NEBL: variants seen among roughly 807,000 people sequenced by gnomAD.
NEBL encodes the protein LIM and SH3 protein 2.
A neutral mutation model predicts 140.2 loss-of-function variants in NEBL; 122 were observed. The ratio of observed to expected loss-of-function variants is 0.87; its 90% CI spans 0.75 to 1.01. The LOEUF (loss-of-function observed/expected upper bound fraction) is 1.01. NEBL is among the 50% of genes least tolerant of loss of function. The pLI is 0.00. For synonymous variants in NEBL, 436 were observed against 398.9 expected, an observed-to-expected ratio of 1.09 and a Z score of -1.11; for missense variants, 1,365 against 1,231.3, an observed-to-expected ratio of 1.11 and a Z score of -1.62.
chr10:20,848,797 G>A (rs569747510), intron 11 of NEBL, among the ~76,000 whole-genome samples: 1 of 152,200 alleles, frequency 6.6e-6, no homozygotes, highest in African/African-American at 2.4e-5. Flanking sequence ...AAAAAGATTG[G>A]AGACCACTGA....
At chr10:20,813,765 AC>A in intron 23 of NEBL, 173 bp downstream of exon 23, 1 of 615,850 alleles carries the variant, frequency 1.6e-6, no homozygotes, top group South Asian at 1.9e-5. Context: ...ATTTTATTAG[AC>A]TAAATGTTTC....
chr10:21,142,999 G>C (rs61851501), intron 2 of NEBL, among the ~76,000 whole-genome samples: 1 of 151,434 alleles, frequency 6.6e-6, no homozygotes, highest in Admixed American at 6.6e-5. Context: ...TGTGTGTGGG[G>C]TGTGTGTGTG....
At chr10:20,810,097 G>T (rs945607204) in intron 24 of NEBL, among the ~76,000 whole-genome samples, 199 bp from the exon 25 acceptor site, 6 of 152,162 alleles carry the variant, frequency 3.9e-5, no homozygotes, top group Non-Finnish European at 7.3e-5. Flanking sequence ...ACAAGTATCT[G>T]TTAAGAAATC....
chr10:20,918,866 A>T (rs955496769), intron 4 of NEBL, among the ~76,000 whole-genome samples: 1 of 151,646 alleles, frequency 6.6e-6, no homozygotes, highest in Admixed American at 6.6e-5. Flanking sequence ...AATAAATTAA[A>T]TAAATAAATA....
At chr10:21,270,820 C>A (rs1842852243) in intron 1 of NEBL, among the ~76,000 whole-genome samples, 2 of 152,148 alleles carry the variant, frequency 1.3e-5, no homozygotes, top group Non-Finnish European at 2.9e-5. Flanking sequence ...CCGAATAATT[C>A]ACACAACGTA....
intron 5 of NEBL, among the ~76,000 whole-genome samples, chr10:20,877,485 T>A (rs148438237): frequency 0.013 from 1,998 of 152,276 alleles, 23 homozygotes; most frequent in Non-Finnish European, 0.02. Context: ...AGCCCCGAAG[T>A]CTTTTTCTTT....
intron 1 of NEBL, among the ~76,000 whole-genome samples, chr10:21,287,280 G>C (rs1166362536): frequency 2.6e-5 from 4 of 152,198 alleles, no homozygotes. Context: ...TCATGCCTGT[G>C]ATCCCAGAAT....
chr10:20,935,469 A>G (rs1053317014), intron 4 of NEBL, among the ~76,000 whole-genome samples: 4 of 152,162 alleles, frequency 2.6e-5, no homozygotes, highest in Non-Finnish European at 4.4e-5. Context: ...CACCCCCAAG[A>G]ACATGCTCCC....
At chr10:20,805,479 G>A (rs946619914) in intron 26 of NEBL, among the ~76,000 whole-genome samples, 2 of 151,934 alleles carry the variant, frequency 1.3e-5, no homozygotes, top group Non-Finnish European at 2.9e-5. Flanking sequence ...TTTTAAAATA[G>A]GCAATGTCCC....
chr10:20,861,912 C>A (rs1403926792), intron 7 of NEBL, among the ~76,000 whole-genome samples: 1 of 152,178 alleles, frequency 6.6e-6, no homozygotes, highest in African/African-American at 2.4e-5. Context: ...GCACCATATA[C>A]CCCTAACCTA....
intron 3 of NEBL, among the ~76,000 whole-genome samples, chr10:21,190,773 A>T (rs1470809394): frequency 6.6e-6 from 1 of 152,242 alleles, no homozygotes. Flanking sequence ...CAGAAAAATG[A>T]TTATTATGCT....
At chr10:21,272,718 C>G (rs966654284) in intron 1 of NEBL, among the ~76,000 whole-genome samples, 7 of 152,136 alleles carry the variant, frequency 4.6e-5, no homozygotes, top group Non-Finnish European at 1.0e-4. Flanking sequence ...ATTAATAGCT[C>G]TCTTGCAGCA....
At position 20,837,395 on chromosome 10, in the gene NEBL, A is replaced by G. The variant is rs577142556; in HGVS notation, c.1339-1772T>C. On this transcript the variant is annotated intron_variant, in intron 13 of 27. Transcript: ENST00000377122. ...TCCCCTTAAACCAAACCTAATCCAG[A>G]ACAAGGCCCTAACCCTCCTCATTTC... is the stretch of plus-strand genomic sequence containing the variant. 7.2e-4 allele frequency among the ~76,000 whole-genome samples: 110 copies of G among 152,326 alleles called. 1 individual carries two copies. Among genetic ancestry groups the G allele is most frequent in the Non-Finnish European group, 9.7e-4 (66 of 68,018 alleles).
chr10:21,283,829 G>T (rs564728537), intron 1 of NEBL, among the ~76,000 whole-genome samples: 28 of 151,994 alleles, frequency 1.8e-4, no homozygotes, highest in African/African-American at 6.8e-4. Flanking sequence ...TCTTTTCAGG[G>T]CTTAGGTAGA....
chr10:20,963,110 C>G (rs536425907), intron 3 of NEBL, among the ~76,000 whole-genome samples: 132 of 151,932 alleles, frequency 8.7e-4, no homozygotes, highest in African/African-American at 3.1e-3. Context: ...TCTGTACTTT[C>G]GATTTGTAAA....
intron 3 of NEBL, among the ~76,000 whole-genome samples, chr10:20,996,251 G>A (rs562514081): frequency 2.6e-5 from 4 of 152,200 alleles, no homozygotes; most frequent in Admixed American, 2.6e-4. Flanking sequence ...TTTTCCCCAG[G>A]GGGTAGGGCA....
At chr10:20,981,765 C>A (rs1183993789) in intron 3 of NEBL, among the ~76,000 whole-genome samples, 2 of 152,162 alleles carry the variant, frequency 1.3e-5, no homozygotes, top group African/African-American at 4.8e-5. Flanking sequence ...TGGCAGCCAC[C>A]TTGCGACCAT....
intron 19 of NEBL, among the ~76,000 whole-genome samples, chr10:20,820,632 C>A (rs986828422): frequency 2.6e-5 from 4 of 152,074 alleles, no homozygotes; most frequent in African/African-American, 9.7e-5. Flanking sequence ...TCGAGACCAG[C>A]CTGACCAACA....
chr10:20,941,481 C>T lies in NEBL; in HGVS notation c.357+20191G>A, dbSNP rs1370573889. Among the ~76,000 whole-genome samples, 35 of 152,074 alleles carry T rather than the reference C, an allele frequency of 2.3e-4. 4 individuals carry two copies. The highest frequency in any genetic ancestry group is 8.0e-4 in the African/African-American group (33 of 41,484). ...GACAAACCCACAGCCAATATCATAC[C>T]AAATGGGCAAAAAGTGGAAGCATTC... is the stretch of plus-strand genomic sequence containing the variant. On this transcript the variant is annotated intron_variant, in intron 4 of 6. Coordinates refer to the NEBL transcript ENST00000417816.
Sources: gnomAD v4.1 joint callset for allele counts (sites outside exome capture counted in the v4.1 genomes callset) on GRCh38, gnomAD v4.1.1 for gene constraint, MANE v1.5 for transcripts, NCBI Gene and HGNC (gene_info 2026-07-23, HGNC 2026-07-21) for gene names.